CPNE4: variants seen among roughly 807,000 people sequenced by gnomAD.
CPNE4 encodes the protein copine 4.
Under a neutral mutation model 67.9 loss-of-function variants are expected in CPNE4, and 25 were observed. The ratio of observed to expected loss-of-function variants is 0.37; its 90% CI spans 0.27 to 0.51. The LOEUF (loss-of-function observed/expected upper bound fraction) is 0.51. CPNE4 is among the 20% of genes least tolerant of loss of function. The pLI, the probability that CPNE4 is intolerant of heterozygous loss-of-function variation, is 0.93. For missense variants in CPNE4, 464 were observed against 690.8 expected (o/e 0.67, Z 3.68); for synonymous variants, 242 against 244.9 (o/e 0.99, Z 0.11).
At chr3:131,835,853 C>G (rs952718085) in intron 2 of CPNE4, among the ~76,000 whole-genome samples, 1 of 152,136 alleles carries the variant, frequency 6.6e-6, no homozygotes, top group East Asian at 1.9e-4. Context: ...TAGAGTGGAG[C>G]TCTGTAGAAC....
chr3:131,905,303 A>T lies in CPNE4; in HGVS notation c.141T>A (p.Cys47Ter). 1 of 1,613,512 alleles carries T rather than the reference A, an allele frequency of 6.2e-7. No individual in the cohort carries two copies. The highest frequency in any genetic ancestry group is 8.5e-7 in the Non-Finnish European group (1 of 1,179,640). ...DRDALSKPDP[C>*]VILKMQSHGQ... ...CATGAGACTGCATCTTGAGGATGAC[A>T]CAGGGGTCTGGTTTGGAAAGGGCAT... Residue 47 changes from cysteine (C) to a stop codon, truncating the protein, a stop_gained, in exon 2 of 16, where the codon TGT becomes TGA. Coordinates refer to ENST00000429747, the MANE Select transcript of CPNE4 (RefSeq NM_130808.3). LOFTEE classifies it high-confidence loss of function.
intron 2 of CPNE4, among the ~76,000 whole-genome samples, chr3:131,821,446 T>C (rs1016530254): frequency 7.9e-5 from 12 of 152,228 alleles, no homozygotes; most frequent in Non-Finnish European, 1.2e-4. Context: ...CTTCTGCTGA[T>C]GTAGCTGCTG....
chr3:131,978,071 A>T (rs1414244461), intron 1 of CPNE4, among the ~76,000 whole-genome samples: 22 of 33,542 alleles, frequency 6.6e-4, no homozygotes, highest in African/African-American at 3.8e-3. Context: ...ATATATAAAT[A>T]TATATAAATA....
chr3:131,669,894 A>G, intron 6 of CPNE4, 130 bp from the exon 7 acceptor site: 1 of 714,284 alleles, frequency 1.4e-6, no homozygotes, highest in East Asian at 2.7e-5. Flanking sequence ...GAGGTGCCTT[A>G]ATAAAAACTT....
intron 2 of CPNE4, among the ~76,000 whole-genome samples, chr3:131,845,476 C>G (rs1265980746): frequency 6.6e-6 from 1 of 152,142 alleles, no homozygotes; most frequent in African/African-American, 2.4e-5. Context: ...TACTGCTCAC[C>G]CATTTAATCA....
In CPNE4 at chr3:131,836,314, A is replaced by G. The variant is rs181603695; in HGVS notation, c.180+68950T>C. 2.8e-3 allele frequency among the ~76,000 whole-genome samples: 430 copies of G among 152,324 alleles called. 4 individuals carry two copies. Among genetic ancestry groups the G allele is most frequent in the African/African-American group, 9.8e-3 (407 of 41,574 alleles). ...AAAGCTGGTTCAATACTCAAAAATT[A>G]GTTAATGCAATCTCCCATATTTACA... On this transcript the variant is annotated intron_variant, in intron 2 of 15. Transcript: ENST00000429747.
intron 1 of CPNE4, among the ~76,000 whole-genome samples, chr3:131,946,954 A>G (rs1393826452): frequency 6.6e-6 from 1 of 152,090 alleles, no homozygotes; most frequent in African/African-American, 2.4e-5. Context: ...TTTGTTGAAG[A>G]GTCTAGTCTT....
chr3:131,801,398 A>ACGTGTG (rs1560344220), intron 2 of CPNE4, among the ~76,000 whole-genome samples: 21 of 107,360 alleles, frequency 2.0e-4, no homozygotes, highest in South Asian at 3.3e-4. Flanking sequence ...GTACATATAT[A>ACGTGTG]TATAGGTACA....
chr3:131,949,418 T>C (rs2071653550), intron 1 of CPNE4, among the ~76,000 whole-genome samples: 1 of 152,186 alleles, frequency 6.6e-6, no homozygotes, highest in Non-Finnish European at 1.5e-5. Flanking sequence ...TCTAAAACAC[T>C]GTTTCCAAGA....
At chr3:131,799,717 T>A (rs960373565) in intron 2 of CPNE4, among the ~76,000 whole-genome samples, 1 of 152,134 alleles carries the variant, frequency 6.6e-6, no homozygotes, top group Non-Finnish European at 1.5e-5. Context: ...AATCACTCAC[T>A]GGTAAAACAT....
At chr3:131,979,896 G>A (rs1182351166) in intron 1 of CPNE4, among the ~76,000 whole-genome samples, 1 of 152,044 alleles carries the variant, frequency 6.6e-6, no homozygotes, top group Non-Finnish European at 1.5e-5. Flanking sequence ...CTTGGTAATG[G>A]TGAATTCTCT....
intron 3 of CPNE4, among the ~76,000 whole-genome samples, chr3:131,714,543 A>AT (rs762037092): frequency 1.3e-5 from 2 of 152,258 alleles, no homozygotes; most frequent in South Asian, 4.1e-4. Flanking sequence ...TACCCAAAAC[A>AT]CTGGTTCCTT....
chr3:131,833,260 C>G (rs868407438), intron 2 of CPNE4, among the ~76,000 whole-genome samples: 17 of 152,264 alleles, frequency 1.1e-4, no homozygotes, highest in Middle Eastern at 3.4e-3. Flanking sequence ...AGACAGCAAG[C>G]CCAGCCAGTT....
chr3:131,783,383 C>T (rs550923237), intron 2 of CPNE4, among the ~76,000 whole-genome samples: 1 of 152,200 alleles, frequency 6.6e-6, no homozygotes, highest in Non-Finnish European at 1.5e-5. Flanking sequence ...GGGGGATTTT[C>T]CAGCCTCTAT....
chr3:131,954,246 G>GA, intron 1 of CPNE4, among the ~76,000 whole-genome samples: 2 of 152,000 alleles, frequency 1.3e-5, no homozygotes, highest in East Asian at 1.9e-4. Context: ...TTGAGTTCTA[G>GA]AAAAAAAGAG....
intron 2 of CPNE4, among the ~76,000 whole-genome samples, chr3:131,778,093 C>T (rs908556909): frequency 6.6e-6 from 1 of 152,092 alleles, no homozygotes; most frequent in African/African-American, 2.4e-5. Context: ...CCCTTGTCCT[C>T]CAAGATTAGC....
At chr3:132,037,151 T>C (rs1667357553), upstream of CPNE4, among the ~76,000 whole-genome samples, 1 of 152,202 alleles carries the variant, frequency 6.6e-6, no homozygotes, top group South Asian at 2.1e-4. Context: ...ACAACATAGT[T>C]ATCTTTGGCC....
intron 2 of CPNE4, among the ~76,000 whole-genome samples, chr3:131,807,549 G>A (rs2084366005): frequency 6.6e-6 from 1 of 151,976 alleles, no homozygotes. Flanking sequence ...GAATGTCCTA[G>A]TGTTAACCTC....
At chr3:131,725,785 T>C (rs2081986280) in intron 2 of CPNE4, among the ~76,000 whole-genome samples, 1 of 152,208 alleles carries the variant, frequency 6.6e-6, no homozygotes, top group Non-Finnish European at 1.5e-5. Flanking sequence ...TTACCCTTCC[T>C]TTAGAAAAAC....
Sources: allele counts gnomAD v4.1 joint callset (sites outside exome capture counted in the v4.1 genomes callset), GRCh38; gene constraint gnomAD v4.1.1; transcripts MANE v1.5; gene names NCBI Gene and HGNC (gene_info 2026-07-23, HGNC 2026-07-21).